RASEF: variants seen among roughly 807,000 people sequenced by gnomAD.
RASEF encodes the protein ras and EF-hand domain-containing protein.
RASEF carries 68 observed loss-of-function variants against 90.1 expected under a neutral mutation model. The ratio of observed to expected loss-of-function variants is 0.75; its 90% CI spans 0.62 to 0.92. The LOEUF (loss-of-function observed/expected upper bound fraction) is 0.92. Ranked by LOEUF, RASEF falls within the 40% of genes least tolerant of loss-of-function variation. The pLI is 0.00. For synonymous variants in RASEF, 331 were observed against 345.2 expected (o/e 0.96, Z 0.46); for missense variants, 949 against 937.2 (o/e 1.01, Z -0.16).
the RASEF span, among the ~76,000 whole-genome samples, chr9:83,211,142 G>A: frequency 9.2e-5 from 14 of 152,266 alleles, no homozygotes; most frequent in East Asian, 1.5e-3. Flanking sequence ...ATTGCATTTA[G>A]TTGCCATGCC....
At chr9:82,982,813 G>A (rs764048900) in intron 16 of RASEF, 31 bp from the exon 17 acceptor site, 1 of 917,232 alleles carries the variant, frequency 1.1e-6, no homozygotes, top group South Asian at 1.9e-5. Context: ...GACAGAGAGA[G>A]AGAGAGAGAG....
the RASEF span, among the ~76,000 whole-genome samples, chr9:83,207,143 C>T: frequency 5.3e-5 from 8 of 151,764 alleles, no homozygotes; most frequent in African/African-American, 1.2e-4. Flanking sequence ...GTTTACGGGA[C>T]GGGTCATTAC....
chr9:83,109,318 A>G, the RASEF span, among the ~76,000 whole-genome samples: 2 of 152,204 alleles, frequency 1.3e-5, no homozygotes, highest in Non-Finnish European at 2.9e-5. Flanking sequence ...GAGCAACGTG[A>G]TAGTTTATGT....
the RASEF span, among the ~76,000 whole-genome samples, chr9:83,093,147 C>T: frequency 2.1e-3 from 320 of 152,290 alleles, 1 homozygote; most frequent in Non-Finnish European, 3.1e-3. Context: ...GAGCTAGATA[C>T]AGAGTGCCGA....
At chr9:83,014,862 C>A (rs911469527) in intron 4 of RASEF, among the ~76,000 whole-genome samples, 4 of 152,098 alleles carry the variant, frequency 2.6e-5, no homozygotes, top group Admixed American at 2.0e-4. Flanking sequence ...GATACACATC[C>A]CTCCCTTCCC....
chr9:83,014,765 T>C lies in RASEF; in HGVS notation c.765+1040A>G, dbSNP rs372636722. ...CAGGTGAGAGTCTGCTTTAAGCATC[T>C]CTTCTCAACCTTAAATTCAGTAACA... is the stretch of plus-strand genomic sequence containing the variant. On this transcript the variant is annotated intron_variant, in intron 4 of 16. Transcript: ENST00000376447. 4.6e-5 allele frequency among the ~76,000 whole-genome samples: 7 copies of C among 152,294 alleles called. 1 individual carries two copies. Among genetic ancestry groups the C allele is most frequent in the African/African-American group, 1.7e-4 (7 of 41,548 alleles).
chr9:83,032,079 C>A (rs1433143028), intron 1 of RASEF, among the ~76,000 whole-genome samples: 1 of 152,156 alleles, frequency 6.6e-6, no homozygotes, highest in African/African-American at 2.4e-5. Context: ...CTCTCCTGGG[C>A]AGCTAAATAC....
the RASEF span, among the ~76,000 whole-genome samples, chr9:83,082,099 A>G: frequency 6.6e-6 from 1 of 152,158 alleles, no homozygotes; most frequent in Non-Finnish European, 1.5e-5. Context: ...GGCTGGGGTC[A>G]TTCTCTTCTC....
the RASEF span, among the ~76,000 whole-genome samples, chr9:83,155,825 A>G: frequency 1.3e-5 from 2 of 152,356 alleles, no homozygotes; most frequent in East Asian, 3.9e-4. Flanking sequence ...CAGTCATACA[A>G]GACAGAGCCA....
chr9:83,196,953 G>A, the RASEF span, among the ~76,000 whole-genome samples: 4 of 152,170 alleles, frequency 2.6e-5, no homozygotes, highest in Admixed American at 6.6e-5. Context: ...CTTTAATGAC[G>A]AACATATGGT....
At chr9:83,154,914 G>A in the RASEF span, among the ~76,000 whole-genome samples, 1 of 152,154 alleles carries the variant, frequency 6.6e-6, no homozygotes, top group Non-Finnish European at 1.5e-5. Context: ...GAAAAAAGGA[G>A]GCCCAGAAAT....
chr9:83,144,412 GAAAGAAAAGA>G, the RASEF span, among the ~76,000 whole-genome samples: 1 of 122,760 alleles, frequency 8.1e-6, no homozygotes, highest in Non-Finnish European at 1.8e-5. Context: ...AAGAAAGAAA[GAAAGAAAAGA>G]AAAGAAAGAA....
chr9:83,113,638 G>A, the RASEF span, among the ~76,000 whole-genome samples: 1 of 152,154 alleles, frequency 6.6e-6, no homozygotes, highest in Non-Finnish European at 1.5e-5. Context: ...GTCTATAGAT[G>A]GCCGCGCTGG....
intron 1 of RASEF, among the ~76,000 whole-genome samples, chr9:83,058,006 A>G (rs911091786): frequency 6.6e-6 from 1 of 150,766 alleles, no homozygotes; most frequent in Non-Finnish European, 1.5e-5. Context: ...CCACCTTTCT[A>G]CTAAGTGGAA....
At chr9:82,999,660 G>C (rs547251124) in intron 12 of RASEF, among the ~76,000 whole-genome samples, 1 of 151,384 alleles carries the variant, frequency 6.6e-6, no homozygotes, top group African/African-American at 2.4e-5. Flanking sequence ...CTGAAGTGCA[G>C]TGGTGTGATC....
At chr9:83,042,219 G>T (rs1203631074) in intron 1 of RASEF, among the ~76,000 whole-genome samples, 1 of 152,088 alleles carries the variant, frequency 6.6e-6, no homozygotes, top group East Asian at 1.9e-4. Flanking sequence ...ATGCCTAATT[G>T]TTGCTTTAAA....
In RASEF at chr9:83,015,847, A is replaced by C; in HGVS notation, c.723T>G (p.Thr241=). 1 of 1,614,058 alleles carries C rather than the reference A, an allele frequency of 6.2e-7. No individual in the cohort carries two copies. Among genetic ancestry groups the C allele is most frequent in the South Asian group, 1.1e-5 (1 of 91,082 alleles). ...ALSDLRRQYE[T]EVGDLQVTIK... is the part of the protein sequence containing the mutation. The stretch of plus-strand genomic sequence containing the variant: ...TGGTCACCTGCAGATCTCCTACTTC[A>C]GTTTCATACTGACGTCTGAGGTCAC... Residue 241 remains threonine, a synonymous_variant, in exon 4 of 17, where the codon ACT becomes ACG. Transcript: ENST00000376447.
intron 1 of RASEF, among the ~76,000 whole-genome samples, chr9:83,047,790 G>C (rs1208990291): frequency 6.6e-6 from 1 of 152,174 alleles, no homozygotes; most frequent in Non-Finnish European, 1.5e-5. Flanking sequence ...AGGGAAATAA[G>C]TAACACCATT....
chr9:83,118,641 G>T, the RASEF span, among the ~76,000 whole-genome samples: 1 of 152,094 alleles, frequency 6.6e-6, no homozygotes, highest in Non-Finnish European at 1.5e-5. Context: ...CCTGGGTGTG[G>T]TCATTTAAAG....
Sources: gnomAD v4.1 joint callset for allele counts (sites outside exome capture counted in the v4.1 genomes callset) on GRCh38, gnomAD v4.1.1 for gene constraint, MANE v1.5 for transcripts, NCBI Gene and HGNC (gene_info 2026-07-23, HGNC 2026-07-21) for gene names.